TMEM132D: variants seen among roughly 807,000 people sequenced by gnomAD.
TMEM132D encodes the protein transmembrane protein 132D, also known as mature OL transmembrane protein.
A neutral mutation model predicts 62.3 loss-of-function variants in TMEM132D; 21 were observed. The ratio of observed to expected loss-of-function variants is 0.34; its 90% CI spans 0.24 to 0.49. The LOEUF (loss-of-function observed/expected upper bound fraction) is 0.49. Among genes scored for constraint, TMEM132D ranks in the 20% least tolerant of loss-of-function variants. The probability of loss-of-function intolerance (pLI) is 0.99; values close to 1 mark genes in which losing one functional copy is unlikely to be tolerated. For synonymous variants in TMEM132D, 621 were observed against 575.6 expected (o/e 1.08, Z -1.13); for missense variants, 1,346 against 1,402.8 (o/e 0.96, Z 0.65).
intron 3 of TMEM132D, among the ~76,000 whole-genome samples, chr12:129,363,763 CAATT>C (rs1456139553): frequency 6.6e-6 from 1 of 152,166 alleles, no homozygotes; most frequent in Non-Finnish European, 1.5e-5. Flanking sequence ...AATAGAATGT[CAATT>C]AATTTCTTGG....
chr12:129,899,907 T>C (rs1209310682), intron 1 of TMEM132D, among the ~76,000 whole-genome samples: 3 of 152,030 alleles, frequency 2.0e-5, no homozygotes, highest in Admixed American at 6.5e-5. Flanking sequence ...TCTGATATTC[T>C]TTCCTCTCCC....
intron 2 of TMEM132D, among the ~76,000 whole-genome samples, chr12:129,697,757 C>G (rs1158230296): frequency 6.6e-6 from 1 of 152,180 alleles, no homozygotes; most frequent in African/African-American, 2.4e-5. Flanking sequence ...TATTGTGCAG[C>G]CACACATAGT....
intron 1 of TMEM132D, among the ~76,000 whole-genome samples, chr12:129,851,933 T>G (rs750970255): frequency 6.6e-5 from 10 of 152,222 alleles, no homozygotes; most frequent in Non-Finnish European, 1.3e-4. Flanking sequence ...AAACCTTATT[T>G]TGAATTCTTA....
chr12:129,852,890 A>T (rs1873591771), intron 1 of TMEM132D: 1 of 152,196 alleles, frequency 6.6e-6, no homozygotes, highest in Admixed American at 6.5e-5. Context: ...GACTTTCCAA[A>T]CTTTTCTGAA....
At chr12:129,534,310 C>T (rs1168302475) in intron 2 of TMEM132D, among the ~76,000 whole-genome samples, 1 of 151,962 alleles carries the variant, frequency 6.6e-6, no homozygotes, top group African/African-American at 2.4e-5. Flanking sequence ...TAATTTTCCC[C>T]ATAGTATGCA....
chr12:129,455,753 A>C (rs7485201), intron 3 of TMEM132D, among the ~76,000 whole-genome samples: 1 of 152,126 alleles, frequency 6.6e-6, no homozygotes, highest in African/African-American at 2.4e-5. Flanking sequence ...CTTAGAAAGC[A>C]TAAAAGAGCA....
chr12:129,810,551 TAC>T (rs200702675), intron 1 of TMEM132D, among the ~76,000 whole-genome samples: 4,126 of 34,178 alleles, frequency 0.12, 92 homozygotes, highest in East Asian at 0.28. Context: ...AATATATACA[TAC>T]ACACACACAC....
At chr12:129,835,393 C>T (rs1452737815) in intron 1 of TMEM132D, among the ~76,000 whole-genome samples, 1 of 152,202 alleles carries the variant, frequency 6.6e-6, no homozygotes, top group Admixed American at 6.5e-5. Context: ...TAGGTTCAAG[C>T]GATCCTCCTG....
At chr12:129,075,300 A>G (rs1467796985) in intron 8 of TMEM132D, among the ~76,000 whole-genome samples, 2 of 151,614 alleles carry the variant, frequency 1.3e-5, no homozygotes, top group South Asian at 4.2e-4. Context: ...AGTATTAAAC[A>G]ATCCGTAAGA....
At chr12:129,326,152 A>G (rs150523999) in intron 4 of TMEM132D, among the ~76,000 whole-genome samples, 1 of 152,062 alleles carries the variant, frequency 6.6e-6, no homozygotes, top group South Asian at 2.1e-4. Flanking sequence ...TCCCGTGGAC[A>G]CTCTCCATGG....
chr12:129,341,214 A>C (rs949102320), intron 3 of TMEM132D, among the ~76,000 whole-genome samples: 2 of 152,242 alleles, frequency 1.3e-5, no homozygotes, highest in African/African-American at 4.8e-5. Context: ...CAGATGGTAC[A>C]TGTCCTGAAA....
At chr12:129,359,356 G>A (rs1240640412) in intron 3 of TMEM132D, among the ~76,000 whole-genome samples, 2 of 152,168 alleles carry the variant, frequency 1.3e-5, no homozygotes, top group Non-Finnish European at 2.9e-5. Flanking sequence ...CATTATGAAT[G>A]TAATTAATTC....
intron 1 of TMEM132D, among the ~76,000 whole-genome samples, chr12:129,799,135 G>T (rs1441346957): frequency 1.3e-5 from 2 of 151,892 alleles, no homozygotes; most frequent in African/African-American, 2.4e-5. Flanking sequence ...TGTGGTGGCA[G>T]GCGCCTGTAA....
chr12:129,644,021 A>C (rs1879706169), intron 2 of TMEM132D, among the ~76,000 whole-genome samples: 1 of 151,986 alleles, frequency 6.6e-6, no homozygotes, highest in African/African-American at 2.4e-5. Context: ...GGCCCAGCTA[A>C]TTTTTGTATT....
intron 3 of TMEM132D, among the ~76,000 whole-genome samples, chr12:129,428,587 C>T (rs1872563664): frequency 6.6e-6 from 1 of 152,148 alleles, no homozygotes; most frequent in Non-Finnish European, 1.5e-5. Flanking sequence ...AGCCCTGGGA[C>T]AAAATTCTTA....
At chr12:129,206,489 G>A (rs2135564233) in intron 5 of TMEM132D, among the ~76,000 whole-genome samples, 1 of 152,298 alleles carries the variant, frequency 6.6e-6, no homozygotes, top group Non-Finnish European at 1.5e-5. Context: ...AGGGAATGCT[G>A]ATACGGTGCT....
At position 129,686,573 on chromosome 12, in the gene TMEM132D, T is replaced by C. The variant is rs114355073; in HGVS notation, c.968+13237A>G. On this transcript the variant is annotated intron_variant, in intron 2 of 8. Transcript: ENST00000422113. Reference sequence around the variant, plus strand: ...TTATAGCAGCATGAGAACACACTAATACAAAGACTAAACATTCTAAAAAAA... The same window carrying C: ...TTATAGCAGCATGAGAACACACTAACACAAAGACTAAACATTCTAAAAAAA... 4.1e-3 allele frequency among the ~76,000 whole-genome samples: 620 copies of C among 152,274 alleles called. 5 individuals carry two copies. The highest frequency in any genetic ancestry group is 0.014 in the African/African-American group (599 of 41,560).
intron 3 of TMEM132D, among the ~76,000 whole-genome samples, chr12:129,496,420 T>C (rs1307952723): frequency 6.6e-6 from 1 of 152,094 alleles, no homozygotes; most frequent in Admixed American, 6.6e-5. Context: ...AAGAAATGTT[T>C]GGCTGACTCA....
chr12:129,548,953 A>G (rs970882859), intron 2 of TMEM132D, among the ~76,000 whole-genome samples: 2 of 152,274 alleles, frequency 1.3e-5, no homozygotes, highest in African/African-American at 4.8e-5. Context: ...GAAAGAAAGG[A>G]GCACCTCTGA....
Sources: allele counts gnomAD v4.1 joint callset (sites outside exome capture counted in the v4.1 genomes callset), GRCh38; gene constraint gnomAD v4.1.1; transcripts MANE v1.5; gene names NCBI Gene and HGNC (gene_info 2026-07-23, HGNC 2026-07-21).